Variants in MAP2K4 observed in about 807,000 individuals in gnomAD.
The protein encoded by MAP2K4 is dual specificity mitogen-activated protein kinase kinase 4.
Under a neutral mutation model 48.5 loss-of-function variants are expected in MAP2K4, and 4 were observed. The ratio of observed to expected loss-of-function variants is 0.08; its 90% CI spans 0.04 to 0.19. The LOEUF (loss-of-function observed/expected upper bound fraction) is 0.19. Among genes scored for constraint, MAP2K4 ranks in the 10% least tolerant of loss-of-function variants. The pLI is 1.00. For synonymous variants in MAP2K4, 166 were observed against 173.1 expected (o/e 0.96, Z 0.32); for missense variants, 258 against 493.3 (o/e 0.52, Z 4.52).
intron 9 of MAP2K4, among the ~76,000 whole-genome samples, chr17:12,136,156 C>CA (rs939580344): frequency 6.6e-6 from 1 of 151,866 alleles, no homozygotes; most frequent in African/African-American, 2.4e-5. Flanking sequence ...TAAATGATTC[C>CA]AAAAAATAAA....
At chr17:12,120,416 T>A (rs1972647808) in intron 7 of MAP2K4, among the ~76,000 whole-genome samples, 1 of 152,018 alleles carries the variant, frequency 6.6e-6, no homozygotes, top group Non-Finnish European at 1.5e-5. Context: ...GCTGAGGTTG[T>A]GCCACTACAC....
At chr17:12,029,622 C>T (rs985957248) in intron 1 of MAP2K4, among the ~76,000 whole-genome samples, 3 of 152,042 alleles carry the variant, frequency 2.0e-5, no homozygotes, top group South Asian at 2.1e-4. Context: ...GTCAGAATTT[C>T]GGAGACAAGG....
intron 7 of MAP2K4, among the ~76,000 whole-genome samples, chr17:12,120,401 A>C (rs1259049767): frequency 6.6e-6 from 1 of 152,172 alleles, no homozygotes; most frequent in Non-Finnish European, 1.5e-5. Flanking sequence ...CAGAAGTTGC[A>C]GTGAGCTGAG....
At chr17:12,115,578 CT>C in intron 7 of MAP2K4, 1 of 707,944 alleles carries the variant, frequency 1.4e-6, no homozygotes, top group Non-Finnish European at 2.6e-6. Context: ...GAGGAGACTG[CT>C]TTTGTTGTTG....
At chr17:12,126,363 T>C (rs1041160769) in intron 8 of MAP2K4, among the ~76,000 whole-genome samples, 30 of 152,356 alleles carry the variant, frequency 2.0e-4, no homozygotes, top group African/African-American at 6.0e-4. Context: ...ATTTAAAATA[T>C]CTGTATTAGT....
At chr17:12,075,070 A>G (rs1970954158) in intron 2 of MAP2K4, among the ~76,000 whole-genome samples, 1 of 152,218 alleles carries the variant, frequency 6.6e-6, no homozygotes, top group South Asian at 2.1e-4. Context: ...ACTAGGGAAT[A>G]ATATCTTGAA....
In MAP2K4 at chr17:12,143,506, T is replaced by C. The variant is rs775548386; in HGVS notation, c.*2246T>C. 8.6e-6 allele frequency: 2 copies of C among 231,718 alleles called. No individual in the cohort carries two copies. The highest frequency in any genetic ancestry group is 1.7e-5 in the Non-Finnish European group (2 of 116,912). The allele number at this position is 231,718 out of a possible 1,614,324, so 14.4% of individuals were successfully genotyped here. On this transcript the variant is annotated 3_prime_UTR_variant, in exon 11 of 11. Transcript: ENST00000353533. The stretch of plus-strand genomic sequence containing the variant: ...ATTTTTCTCTTGTACCATAGAAAAA[T>C]GTATAAAAATTATCAAAAAGCTAAT...
Position 12,110,376 on chromosome 17 carries a change from C to T in MAP2K4, c.635C>T (p.Thr212Ile). Residue 212 changes from threonine to isoleucine, a missense_variant and splice_region_variant, in exon 6 of 11, where the codon ACT (threonine) becomes ATT (isoleucine). Physicochemically the swap from Thr to Ile is moderately conservative, Grantham distance 89. This residue lies in a region of MAP2K4 where 132 missense variants were observed against 352.8 expected (regional missense o/e 0.37). Transcript: ENST00000353533. ...CCCATCTCTCCTTTTTCTCCCTAGACTGTGAAAGCACTAAACCACTTAAAA... is the reference window on the plus strand; with the variant it reads ...CCCATCTCTCCTTTTTCTCCCTAGATTGTGAAAGCACTAAACCACTTAAAA... ...EEILGKITLA[T>I]VKALNHLKEN... 6.2e-7 allele frequency: 1 copy of T among 1,609,430 alleles called. No individual in the cohort carries two copies. The highest frequency in any genetic ancestry group is 8.5e-7 in the Non-Finnish European group (1 of 1,176,274).
At chr17:12,036,168 T>G (rs1257395081) in intron 1 of MAP2K4, among the ~76,000 whole-genome samples, 4 of 152,204 alleles carry the variant, frequency 2.6e-5, no homozygotes, top group Admixed American at 2.0e-4. Context: ...AACTTCAAGT[T>G]ACATTTATTT....
At chr17:12,089,632 C>G (rs938091063) in intron 3 of MAP2K4, among the ~76,000 whole-genome samples, 1 of 152,152 alleles carries the variant, frequency 6.6e-6, no homozygotes, top group Non-Finnish European at 1.5e-5. Flanking sequence ...ACAGGTGTAC[C>G]TGTGCAGCAG....
chr17:12,034,219 T>C (rs1969523344), intron 1 of MAP2K4, among the ~76,000 whole-genome samples: 1 of 152,262 alleles, frequency 6.6e-6, no homozygotes, highest in Non-Finnish European at 1.5e-5. Flanking sequence ...AGTAGCTTTG[T>C]ATGTGGATTA....
chr17:12,120,534 T>TTC (rs1555551454), intron 7 of MAP2K4, among the ~76,000 whole-genome samples: 2 of 137,208 alleles, frequency 1.5e-5, no homozygotes, highest in Non-Finnish European at 3.1e-5. Flanking sequence ...GCTCCCTCAT[T>TTC]CCCCCCCCCA....
At chr17:12,064,389 C>G (rs897308942) in intron 2 of MAP2K4, among the ~76,000 whole-genome samples, 9 of 152,082 alleles carry the variant, frequency 5.9e-5, no homozygotes, top group Non-Finnish European at 1.0e-4. Flanking sequence ...GCCCAAAGAA[C>G]CCAATTTGAA....
At chr17:12,047,797 C>T (rs1298788977) in intron 1 of MAP2K4, among the ~76,000 whole-genome samples, 1 of 152,136 alleles carries the variant, frequency 6.6e-6, no homozygotes, top group Non-Finnish European at 1.5e-5. Flanking sequence ...CTACTGTTTG[C>T]CACTATTATA....
chr17:12,056,256 A>C (rs1970279807), intron 2 of MAP2K4, among the ~76,000 whole-genome samples: 1 of 152,062 alleles, frequency 6.6e-6, no homozygotes, highest in Non-Finnish European at 1.5e-5. Context: ...TCTTTTTTAA[A>C]AGCCTTTTTG....
Position 12,129,260 on chromosome 17 carries a change from C to A in MAP2K4, c.1013C>A (p.Pro338Gln). The change falls in exon 9 of 11, where the codon CCG becomes CAG. Residue 338 changes from proline (P) to glutamine (Q), a missense_variant. Transcript: ENST00000353533. ...LSNSEEREFSPSFINFVNLCL... is the reference protein window; with the variant it reads ...LSNSEEREFSQSFINFVNLCL... ...AATTCTGAGGAAAGGGAATTCTCCCCGAGTTTCATCAACTTTGTCAACTTG... is the reference window on the plus strand; with the variant it reads ...AATTCTGAGGAAAGGGAATTCTCCCAGAGTTTCATCAACTTTGTCAACTTG... 1 of 1,614,198 alleles carries A rather than the reference C, an allele frequency of 6.2e-7. No individual in the cohort carries two copies. The highest frequency in any genetic ancestry group is 1.1e-5 in the South Asian group (1 of 91,084).
intron 2 of MAP2K4, among the ~76,000 whole-genome samples, chr17:12,071,580 A>G (rs1970808805): frequency 6.6e-6 from 1 of 152,202 alleles, no homozygotes; most frequent in South Asian, 2.1e-4. Flanking sequence ...TTCTCACCCT[A>G]ACTCCCACCT....
chr17:12,115,547 A>G (rs1972462607), intron 7 of MAP2K4: 2 of 677,778 alleles, frequency 3.0e-6, no homozygotes, highest in Non-Finnish European at 5.5e-6. Context: ...CCGGAGAAAG[A>G]TGGAAGACTA....
intron 1 of MAP2K4, among the ~76,000 whole-genome samples, chr17:12,043,881 G>A (rs1040091412): frequency 1.3e-5 from 2 of 152,064 alleles, no homozygotes; most frequent in African/African-American, 2.4e-5. Flanking sequence ...ATTGGACTCC[G>A]TCTCTAGTCC....
Sources: gnomAD v4.1 joint callset for allele counts (sites outside exome capture counted in the v4.1 genomes callset) on GRCh38, gnomAD v4.1.1 for gene constraint, gnomAD v4.1.1 regional missense constraint, MANE v1.5 for transcripts, NCBI Gene and HGNC (gene_info 2026-07-23, HGNC 2026-07-21) for gene names.